ZNF254: variants seen among roughly 807,000 people sequenced by gnomAD.
ZNF254 encodes the protein zinc finger protein 254, also known as CTD-2017D11.1.
ZNF254 carries 10 observed loss-of-function variants against 12.4 expected under a neutral mutation model. The ratio of observed to expected loss-of-function variants is 0.80; its 90% CI spans 0.50 to 1.36. The LOEUF (loss-of-function observed/expected upper bound fraction) is 1.36, where lower values mean the gene tolerates loss of function less well. Among genes scored for constraint, ZNF254 ranks in the 40% most tolerant of loss-of-function variants. The pLI, the probability that ZNF254 is intolerant of heterozygous loss-of-function variation, is 0.00. For missense variants in ZNF254, 996 were observed against 763.9 expected (o/e 1.30, Z -3.58); for synonymous variants, 305 against 253.4 (o/e 1.20, Z -1.93).
At chr19:24,048,287 C>T (rs1970485230) in intron 2 of ZNF254, among the ~76,000 whole-genome samples, 1 of 152,004 alleles carries the variant, frequency 6.6e-6, no homozygotes, top group Non-Finnish European at 1.5e-5. Flanking sequence ...AGGTGGGCCA[C>T]CTTGGGGGGA....
intron 1 of ZNF254, among the ~76,000 whole-genome samples, chr19:24,041,027 C>A (rs2145197084): frequency 2.0e-5 from 3 of 152,360 alleles, no homozygotes; most frequent in Middle Eastern, 6.8e-3. Context: ...GCTCAGAATA[C>A]CAAATGAGCT....
At chr19:24,048,458 G>A (rs568515734) in intron 2 of ZNF254, among the ~76,000 whole-genome samples, 44 of 152,336 alleles carry the variant, frequency 2.9e-4, no homozygotes, top group Admixed American at 5.9e-4. Flanking sequence ...AGCTTAAAAT[G>A]TTTAAGGGGG....
At chr19:24,044,712 A>T (rs1012212299) in intron 1 of ZNF254, among the ~76,000 whole-genome samples, 5 of 152,158 alleles carry the variant, frequency 3.3e-5, no homozygotes, top group Admixed American at 2.6e-4. Flanking sequence ...AAAGTATCTT[A>T]TTTAGTAACT....
At chr19:24,062,973 G>T (rs1361338715) in intron 2 of ZNF254, among the ~76,000 whole-genome samples, 2 of 151,982 alleles carry the variant, frequency 1.3e-5, no homozygotes, top group Non-Finnish European at 2.9e-5. Context: ...CTAATTTTTT[G>T]TATTTTTAGT....
intron 1 of ZNF254, among the ~76,000 whole-genome samples, chr19:24,089,011 T>G (rs917292517): frequency 2.7e-5 from 4 of 147,166 alleles, no homozygotes; most frequent in African/African-American, 5.1e-5. Context: ...AGTTTCACTC[T>G]TGTTGCCCAG....
At chr19:24,089,915 G>A (rs1972263166) in intron 1 of ZNF254, among the ~76,000 whole-genome samples, 1 of 151,772 alleles carries the variant, frequency 6.6e-6, no homozygotes, top group Non-Finnish European at 1.5e-5. Context: ...CGAGGGCCAG[G>A]CATGGTGGCT....
At chr19:24,035,694 G>A (rs1969940258) in intron 1 of ZNF254, among the ~76,000 whole-genome samples, 3 of 152,090 alleles carry the variant, frequency 2.0e-5, no homozygotes, top group Admixed American at 2.0e-4. Flanking sequence ...GGAACATAAA[G>A]AGGGGTTGTG....
intron 2 of ZNF254, among the ~76,000 whole-genome samples, chr19:24,081,543 C>G (rs183619855): frequency 6.6e-6 from 1 of 152,166 alleles, no homozygotes; most frequent in African/African-American, 2.4e-5. Flanking sequence ...TTTAATATCT[C>G]GGCTTTTTAT....
chr19:24,109,411 A>T (rs1292370685), intron 3 of ZNF254, among the ~76,000 whole-genome samples: 1 of 152,118 alleles, frequency 6.6e-6, no homozygotes, highest in African/African-American at 2.4e-5. Flanking sequence ...TTATGAGTAA[A>T]CATTTCTTTC....
chr19:24,081,389 A>G (rs150606161), intron 2 of ZNF254, among the ~76,000 whole-genome samples: 1 of 152,310 alleles, frequency 6.6e-6, no homozygotes, highest in African/African-American at 2.4e-5. Flanking sequence ...CTATAAGCCA[A>G]AAGACACCAG....
chr19:24,062,109 G>A (rs994053853), intron 2 of ZNF254, among the ~76,000 whole-genome samples: 397 of 113,114 alleles, frequency 3.5e-3, no homozygotes, highest in Middle Eastern at 0.016. Context: ...AAAAGAAAAA[G>A]AAAAAGGAGT....
rs1288254419 is a variant in ZNF254, at chr19:24,128,645, T to G, written c.*665T>G. 1 of 152,052 alleles carries G rather than the reference T, an allele frequency of 6.6e-6. No individual in the cohort carries two copies. Among genetic ancestry groups the G allele is most frequent in the Non-Finnish European group, 1.5e-5 (1 of 67,936 alleles). 9.4% of individuals were successfully genotyped at this position (152,052 alleles called of 1,614,324 possible). A position where few individuals can be genotyped will look rare whatever the true frequency, so the allele number is the denominator to read the frequency against. ...AACTACAAATTATAAAACACCAAAG[T>G]GTTCATACTAAAATATATTTTTGCA... On this transcript the variant is annotated 3_prime_UTR_variant, in exon 4 of 4. Transcript: ENST00000357002.
intron 2 of ZNF254, among the ~76,000 whole-genome samples, chr19:24,050,571 G>T (rs142893261): frequency 5.9e-5 from 9 of 152,336 alleles, no homozygotes; most frequent in Admixed American, 2.6e-4. Flanking sequence ...CCTTAGAAGA[G>T]AGAGTGACTT....
intron 1 of ZNF254, among the ~76,000 whole-genome samples, chr19:24,095,913 T>G (rs747007375): frequency 3.3e-5 from 5 of 152,136 alleles, no homozygotes; most frequent in Non-Finnish European, 5.9e-5. Context: ...TGATTTTCTC[T>G]TGCTTCTTTC....
At chr19:24,085,427 A>ATGT (rs1369362234), upstream of ZNF254, among the ~76,000 whole-genome samples, 23 of 42,454 alleles carry the variant, frequency 5.4e-4, no homozygotes, top group Admixed American at 2.9e-3. Context: ...TATATATATA[A>ATGT]AAACTAAGAT....
At chr19:24,091,026 G>A (rs1164568620) in intron 1 of ZNF254, among the ~76,000 whole-genome samples, 2 of 137,110 alleles carry the variant, frequency 1.5e-5, no homozygotes, top group African/African-American at 5.6e-5. Context: ...TTGGCTCACT[G>A]CAACTTCTGC....
chr19:24,050,606 A>G (rs1970608825), intron 2 of ZNF254, among the ~76,000 whole-genome samples: 1 of 152,192 alleles, frequency 6.6e-6, no homozygotes, highest in South Asian at 2.1e-4. Context: ...CATACAGGTG[A>G]TATGATTCTT....
chr19:24,127,428 C>G lies in ZNF254; in HGVS notation c.1428C>G (p.Thr476=), dbSNP rs760834419. ...GCAAGGCATTTATATGGTCCTCAAC[C>G]CTAACTAGACATAAGAGGATGCACA... is the stretch of plus-strand genomic sequence containing the variant. ...ECGKAFIWSS[T]LTRHKRMHTG... is the part of the protein sequence containing the mutation. Residue 476 remains threonine (T), a synonymous_variant, in exon 4 of 4, where the codon ACC becomes ACG. Transcript: ENST00000357002. The G allele has an allele frequency of 6.2e-7, 1 of 1,606,696 alleles. No individual in the cohort carries two copies. The highest frequency in any genetic ancestry group is 1.4e-5 in the African/African-American group (1 of 73,342).
At chr19:24,036,908 T>C (rs62117637) in intron 1 of ZNF254, among the ~76,000 whole-genome samples, 24,220 of 152,058 alleles carry the variant, frequency 0.16, 2,077 homozygotes, top group Middle Eastern at 0.23. Flanking sequence ...GAAGACTTGA[T>C]CTGAGGAATT....
Sources: gnomAD v4.1 joint callset for allele counts (sites outside exome capture counted in the v4.1 genomes callset) on GRCh38, gnomAD v4.1.1 for gene constraint, MANE v1.5 for transcripts, NCBI Gene and HGNC (gene_info 2026-07-23, HGNC 2026-07-21) for gene names.